Variants in CSMD3 observed in about 807,000 individuals in gnomAD.
The protein encoded by CSMD3 is CUB and Sushi multiple domains 3.
A neutral mutation model predicts 435.2 loss-of-function variants in CSMD3; 177 were observed. The ratio of observed to expected loss-of-function variants is 0.41; its 90% CI spans 0.36 to 0.46. The LOEUF (loss-of-function observed/expected upper bound fraction) is 0.46, where lower values mean the gene tolerates loss of function less well. Ranked by LOEUF, CSMD3 falls within the 20% of genes least tolerant of loss-of-function variation. The probability of loss-of-function intolerance (pLI) is 0.34; values close to 1 mark genes in which losing one functional copy is unlikely to be tolerated. For synonymous variants in CSMD3, 1,656 were observed against 1,520.5 expected, an observed-to-expected ratio of 1.09 and a Z score of -2.07; for missense variants, 4,265 against 4,504.6, an observed-to-expected ratio of 0.95 and a Z score of 1.52.
At chr8:112,672,281 T>C (rs997160004) in intron 16 of CSMD3, among the ~76,000 whole-genome samples, 1 of 152,038 alleles carries the variant, frequency 6.6e-6, no homozygotes, top group African/African-American at 2.4e-5. Context: ...AACACTAATC[T>C]GTGTGGGGGA....
intron 11 of CSMD3, among the ~76,000 whole-genome samples, chr8:112,850,865 G>A (rs2080464101): frequency 1.3e-5 from 2 of 152,146 alleles, no homozygotes; most frequent in Admixed American, 6.5e-5. Context: ...GAGATGCACT[G>A]TCTTTCATCA....
At chr8:113,199,259 A>G (rs1332991970) in intron 3 of CSMD3, among the ~76,000 whole-genome samples, 1 of 151,540 alleles carries the variant, frequency 6.6e-6, no homozygotes, top group Non-Finnish European at 1.5e-5. Flanking sequence ...CTCAAGGTCA[A>G]CAATTGTGTA....
chr8:112,804,093 G>C (rs993205843), intron 12 of CSMD3, among the ~76,000 whole-genome samples: 4 of 152,176 alleles, frequency 2.6e-5, no homozygotes, highest in Non-Finnish European at 5.9e-5. Flanking sequence ...AACTGCAATG[G>C]TGTATCCGAA....
chr8:112,809,502 T>G (rs2079170084), intron 12 of CSMD3, among the ~76,000 whole-genome samples: 1 of 152,204 alleles, frequency 6.6e-6, no homozygotes, highest in Admixed American at 6.5e-5. Context: ...TCTAGTGAGC[T>G]TATGCTCATA....
rs1308417568 is a variant in CSMD3 at position 112,409,180 on chromosome 8, C to T, written c.5396-148G>A. The T allele has an allele frequency of 3.5e-6, 5 of 1,418,408 alleles. No homozygotes were observed. In the South Asian group the frequency reaches 4.2e-5, roughly 12 times the overall value. 87.9% of individuals were successfully genotyped at this position (1,418,408 alleles called of 1,614,324 possible). ...TTTTCTACCTAAAAGAGGATAGGTG[C>T]CAATTGGTTGATATTACTGACACAT... On this transcript the variant is annotated intron_variant, in intron 32 of 70. Transcript: ENST00000297405.
At chr8:112,933,261 AG>A (rs1454834154) in intron 9 of CSMD3, among the ~76,000 whole-genome samples, 1 of 152,148 alleles carries the variant, frequency 6.6e-6, no homozygotes, top group Non-Finnish European at 1.5e-5. Context: ...ATTGGGCTAT[AG>A]ATTCTCTTAA....
chr8:112,318,242 T>G (rs1167850677), intron 47 of CSMD3, among the ~76,000 whole-genome samples: 1 of 151,926 alleles, frequency 6.6e-6, no homozygotes, highest in Non-Finnish European at 1.5e-5. Context: ...AAACAATGCT[T>G]CCATCAAGCT....
Position 112,636,998 on chromosome 8 carries a change from G to C in CSMD3, c.3534C>G (p.Asn1178Lys), listed in dbSNP as rs781228635. The change falls in exon 22 of 71, where the codon AAC becomes AAG. Residue 1178 changes from asparagine to lysine, a missense_variant. Around this residue, in one of 3 missense-constraint regions of CSMD3, gnomAD observed 3,255 missense variants for 3,380.2 expected, o/e 0.96. Coordinates refer to ENST00000297405, the MANE Select transcript of CSMD3 (RefSeq NM_198123.2). The part of the protein sequence containing the change: ...EGFNITFSEY[N>K]LEPCEDPGIP... ...TGCCAGGATCTTCACAAGGTTCAAG[G>C]TTATATTCTGTAAATTAGAGAGAAA... 9.3e-6 allele frequency: 15 copies of C among 1,613,450 alleles called. No homozygotes were observed. In the South Asian group the frequency reaches 1.6e-4, roughly 18 times the overall value.
In CSMD3 at chr8:113,201,923, A is replaced by G. The variant is rs542365389; in HGVS notation, c.515-28007T>C. Among the ~76,000 whole-genome samples, 54 of 152,200 alleles carry G rather than the reference A, an allele frequency of 3.5e-4. No individual in the cohort carries two copies. In the East Asian group the frequency reaches 7.4e-3, roughly 21 times the overall value. ...TTTATTTTATAAAAGAAATTTCAACATAGATGTTTTGGTATTACACACCCT... is the reference window on the plus strand; with the variant it reads ...TTTATTTTATAAAAGAAATTTCAACGTAGATGTTTTGGTATTACACACCCT... On this transcript the variant is annotated intron_variant, in intron 3 of 70. Coordinates refer to ENST00000297405, the MANE Select transcript of CSMD3 (RefSeq NM_198123.2).
chr8:113,016,155 A>C, intron 6 of CSMD3, among the ~76,000 whole-genome samples: 1 of 151,866 alleles, frequency 6.6e-6, no homozygotes, highest in East Asian at 1.9e-4. Flanking sequence ...AGGAAGGCAA[A>C]AGATGTTTTA....
intron 1 of CSMD3, among the ~76,000 whole-genome samples, chr8:113,374,641 A>G (rs1215481817): frequency 6.6e-6 from 1 of 152,040 alleles, no homozygotes; most frequent in African/African-American, 2.4e-5. Flanking sequence ...CAAATCCAAC[A>G]TCGATATTAC....
intron 32 of CSMD3, among the ~76,000 whole-genome samples, chr8:112,422,143 A>G (rs1251495516): frequency 3.3e-5 from 5 of 152,128 alleles, no homozygotes; most frequent in Non-Finnish European, 7.4e-5. Context: ...TTAAGGTCAA[A>G]CACAACAATT....
At chr8:112,699,433 C>G (rs2076336445) in intron 13 of CSMD3, among the ~76,000 whole-genome samples, 1 of 152,134 alleles carries the variant, frequency 6.6e-6, no homozygotes, top group African/African-American at 2.4e-5. Flanking sequence ...ATTCCGAACA[C>G]AGAGGGACAG....
chr8:113,379,918 T>TA (rs1281386934), intron 1 of CSMD3, among the ~76,000 whole-genome samples: 1 of 152,188 alleles, frequency 6.6e-6, no homozygotes, highest in Non-Finnish European at 1.5e-5. Context: ...AAAGCTATCT[T>TA]ACAGCTCTGC....
At chr8:113,321,563 T>C (rs1225704216) in intron 1 of CSMD3, among the ~76,000 whole-genome samples, 1 of 152,172 alleles carries the variant, frequency 6.6e-6, no homozygotes, top group Non-Finnish European at 1.5e-5. Context: ...TACAATGTAA[T>C]TTTTTATGAA....
intron 24 of CSMD3, among the ~76,000 whole-genome samples, chr8:112,568,514 G>A (rs74560688): frequency 0.057 from 8,518 of 149,740 alleles, 317 homozygotes; most frequent in Non-Finnish European, 0.082. Context: ...AGAATTGCTC[G>A]AACCCAGAAG....
chr8:112,261,204 C>T (rs1378047006), intron 61 of CSMD3, among the ~76,000 whole-genome samples: 1 of 152,016 alleles, frequency 6.6e-6, no homozygotes, highest in African/African-American at 2.4e-5. Flanking sequence ...CCAAAGTGCA[C>T]CTAATAGTTT....
In CSMD3 at chr8:113,123,598, G is replaced by A. The variant is rs537335921; in HGVS notation, c.710-24635C>T. Among the ~76,000 whole-genome samples, 12 of 152,106 alleles carry A rather than the reference G, an allele frequency of 7.9e-5. No homozygotes were observed. The South Asian group carries it at 1.0e-3, about 13-fold the overall frequency. On this transcript the variant is annotated intron_variant, in intron 4 of 70. Transcript: ENST00000297405. ...AGTTTTAGGCATAGGATCAAAACTCGTTTCTAACTTTCACTTTTCTTGCTC... is the reference window on the plus strand; with the variant it reads ...AGTTTTAGGCATAGGATCAAAACTCATTTCTAACTTTCACTTTTCTTGCTC...
At chr8:112,714,191 A>G (rs2076673125) in intron 13 of CSMD3, among the ~76,000 whole-genome samples, 1 of 152,086 alleles carries the variant, frequency 6.6e-6, no homozygotes, top group African/African-American at 2.4e-5. Context: ...TTATGTGCAC[A>G]GGCACACACA....
Sources: allele counts gnomAD v4.1 joint callset (sites outside exome capture counted in the v4.1 genomes callset), GRCh38; gene constraint gnomAD v4.1.1; regional missense constraint gnomAD v4.1.1; transcripts MANE v1.5; gene names NCBI Gene and HGNC (gene_info 2026-07-23, HGNC 2026-07-21).